The following PTPN14 variants were observed in gnomAD, a reference collection of about 807,000 sequenced individuals.
PTPN14 encodes the protein tyrosine-protein phosphatase non-receptor type 14.
In PTPN14, 53 loss-of-function variants were observed where a neutral mutation model predicts 126.8. The observed-to-expected ratio is 0.42, with a 90% confidence interval of 0.34 to 0.53. The LOEUF (loss-of-function observed/expected upper bound fraction) is 0.53. Ranked by LOEUF, PTPN14 falls within the 20% of genes least tolerant of loss-of-function variation. The pLI, the probability that PTPN14 is intolerant of heterozygous loss-of-function variation, is 0.08. For missense variants in PTPN14, 1,257 were observed against 1,552.9 expected, an observed-to-expected ratio of 0.81 and a Z score of 3.20; for synonymous variants, 630 against 599.3, an observed-to-expected ratio of 1.05 and a Z score of -0.75.
At chr1:214,530,398 G>A (rs1655515023) in intron 1 of PTPN14, 1 of 143,698 alleles carries the variant, frequency 7.0e-6, no homozygotes, top group Admixed American at 7.2e-5. Context: ...GTGTGCATCA[G>A]TGGTAGGATC....
intron 3 of PTPN14, among the ~76,000 whole-genome samples, chr1:214,420,948 C>T (rs1247721389): frequency 5.9e-5 from 9 of 152,236 alleles, no homozygotes; most frequent in Non-Finnish European, 2.9e-5. Context: ...TGAAATGAGT[C>T]TGTTTTGATC....
chr1:214,494,980 A>G (rs116475946), intron 1 of PTPN14, among the ~76,000 whole-genome samples: 183 of 152,300 alleles, frequency 1.2e-3, no homozygotes, highest in African/African-American at 4.4e-3. Flanking sequence ...TGCACAATAA[A>G]ATCACTTTGG....
intron 3 of PTPN14, among the ~76,000 whole-genome samples, chr1:214,451,365 G>A (rs1282256647): frequency 6.6e-6 from 1 of 151,898 alleles, no homozygotes; most frequent in Non-Finnish European, 1.5e-5. Context: ...ACAGGGTCTT[G>A]CTATGCTGCC....
intron 1 of PTPN14, among the ~76,000 whole-genome samples, chr1:214,483,738 T>C (rs146377506): frequency 6.6e-6 from 1 of 152,246 alleles, no homozygotes; most frequent in Non-Finnish European, 1.5e-5. Flanking sequence ...TTTCTTACTT[T>C]TTCTTTTTAG....
intron 13 of PTPN14, among the ~76,000 whole-genome samples, chr1:214,380,385 C>T (rs1387918850): frequency 2.6e-5 from 4 of 152,154 alleles, no homozygotes; most frequent in Non-Finnish European, 5.9e-5. Context: ...ATCCTTCTCA[C>T]TCACCCTATC....
intron 3 of PTPN14, among the ~76,000 whole-genome samples, chr1:214,418,259 G>A (rs181278248): frequency 5.3e-5 from 8 of 152,326 alleles, no homozygotes; most frequent in South Asian, 2.1e-4. Context: ...AGCCTCAGAC[G>A]ACCCACAGTG....
chr1:214,520,162 C>T (rs1317192881), intron 1 of PTPN14, among the ~76,000 whole-genome samples: 1 of 148,456 alleles, frequency 6.7e-6, no homozygotes, highest in Non-Finnish European at 1.5e-5. Flanking sequence ...AGAAAATGAA[C>T]AACAGCTAAG....
intron 7 of PTPN14, among the ~76,000 whole-genome samples, 195 bp downstream of exon 7, chr1:214,401,490 A>T (rs1659017081): frequency 6.6e-6 from 1 of 152,242 alleles, no homozygotes; most frequent in Admixed American, 6.5e-5. Flanking sequence ...TATTCTGCTG[A>T]GGACCATGGC....
chr1:214,387,465 C>T (rs939792110), intron 11 of PTPN14, among the ~76,000 whole-genome samples: 4 of 152,024 alleles, frequency 2.6e-5, no homozygotes, highest in Admixed American at 2.0e-4. Context: ...GAGCCATGAT[C>T]GTGCCACTGC....
chr1:214,395,588 AACACACACAC>A lies in PTPN14; in HGVS notation c.759-612_759-603del, dbSNP rs57357032. 3.8e-3 allele frequency among the ~76,000 whole-genome samples: 503 copies of A among 132,538 alleles called. 6 individuals are homozygous for A. The highest frequency in any genetic ancestry group is 0.033 in the South Asian group (122 of 3,690). 87.0% of individuals were successfully genotyped at this position (132,538 alleles called of 152,430 possible). A position where few individuals can be genotyped will look rare whatever the true frequency, so the allele number is the denominator to read the frequency against. On this transcript the variant is annotated intron_variant, in intron 8 of 18. Coordinates refer to ENST00000366956, the MANE Select transcript of PTPN14 (RefSeq NM_005401.5). ...ATGTGCCTACACTTTGGGACCCAAC[AACACACACAC>A]ACACACACACACACACACACACACA...
intron 1 of PTPN14, among the ~76,000 whole-genome samples, chr1:214,485,748 C>T (rs538651679): frequency 1.3e-5 from 2 of 151,054 alleles, no homozygotes; most frequent in South Asian, 2.1e-4. Context: ...TTTTTTGAGA[C>T]GGAGTCTCGC....
In PTPN14 at chr1:214,530,160, A is replaced by G. The variant is rs936232167; in HGVS notation, c.-155+21023T>C. On this transcript the variant is annotated intron_variant, in intron 1 of 18. Transcript: ENST00000366956. ...AAGCAGATTTCACTAGTAGGCCAAC[A>G]TTCAGGCTAGGAGGGAAGAAAAAAG... 4 of 152,220 alleles carry G rather than the reference A, an allele frequency of 2.6e-5. No homozygotes were observed. In the East Asian group the frequency reaches 5.8e-4, roughly 22 times the overall value. 9.4% of individuals were successfully genotyped at this position (152,220 alleles called of 1,614,324 possible).
At chr1:214,370,506 C>A (rs945393396) in intron 16 of PTPN14, among the ~76,000 whole-genome samples, 1 of 152,060 alleles carries the variant, frequency 6.6e-6, no homozygotes, top group Admixed American at 6.6e-5. Flanking sequence ...GGATGTTCAG[C>A]GCACAGCTCT....
rs1319239974 is a variant in PTPN14, at chr1:214,436,446, T to C, written c.344+15359A>G. On this transcript the variant is annotated intron_variant, in intron 3 of 18. Coordinates refer to ENST00000366956, the MANE Select transcript of PTPN14 (RefSeq NM_005401.5). The stretch of plus-strand genomic sequence containing the variant: ...CTTTTACCTGCCATTTGCCAACTTG[T>C]GGTGGATAAAATATTTTGAAACCAT... Among the ~76,000 whole-genome samples, 4 of 152,182 alleles carry C rather than the reference T, an allele frequency of 2.6e-5. No individual in the cohort carries two copies. The East Asian group carries it at 7.7e-4, about 29-fold the overall frequency.
rs759933226 is a variant in PTPN14 at position 214,372,783 on chromosome 1, G to T, written c.2964C>A (p.His988Gln). 1 of 1,614,070 alleles carries T rather than the reference G, an allele frequency of 6.2e-7. No individual in the cohort carries two copies. The highest frequency in any genetic ancestry group is 1.3e-5 in the African/African-American group (1 of 74,932). The change falls in exon 16 of 19, where the codon CAC (histidine) becomes CAA (glutamine). Residue 988 changes from histidine to glutamine, a missense_variant. Physicochemically the swap from His to Gln is conservative, Grantham distance 24. Around this residue, in one of 3 missense-constraint regions of PTPN14, gnomAD observed 65 missense variants for 139.7 expected, o/e 0.47. Coordinates refer to ENST00000366956, the MANE Select transcript of PTPN14 (RefSeq NM_005401.5). ...CCATCTGCCAGAAGTCGTGGCACGTGTGTGGCAGGGGCCCCTGGGTGGCTA... is the reference window on the plus strand; with the variant it reads ...CCATCTGCCAGAAGTCGTGGCACGTTTGTGGCAGGGGCCCCTGGGTGGCTA... ...HYIATQGPLP[H>Q]TCHDFWQMVW...
intron 1 of PTPN14, among the ~76,000 whole-genome samples, chr1:214,511,632 A>C (rs1438665653): frequency 6.6e-6 from 1 of 152,220 alleles, no homozygotes; most frequent in Non-Finnish European, 1.5e-5. Flanking sequence ...ACAAATTAAA[A>C]ACAGAATTCC....
chr1:214,374,350 T>C (rs1658291056), intron 15 of PTPN14, among the ~76,000 whole-genome samples: 1 of 152,226 alleles, frequency 6.6e-6, no homozygotes, highest in South Asian at 2.1e-4. Flanking sequence ...AACATTCATA[T>C]ATTTGCTGGC....
rs1312992668 is a variant in PTPN14 at position 214,534,733 on chromosome 1, A to AATAAATAAATAAATAC, written c.-155+16449_-155+16450insGTATTTATTTATTTAT. The stretch of plus-strand genomic sequence containing the variant: ...TTCTCAATAAATAAATAAATAAATA[A>AATAAATAAATAAATAC]ATAAATAAAAGACGGAATTATTGAT... On this transcript the variant is annotated intron_variant, in intron 1 of 18. Transcript: ENST00000366956. Among the ~76,000 whole-genome samples the AATAAATAAATAAATAC allele has an allele frequency of 7.5e-3, 1,134 of 151,856 alleles. 5 individuals carry two copies. Among genetic ancestry groups the AATAAATAAATAAATAC allele is most frequent in the South Asian group, 0.016 (76 of 4,794 alleles).
At chr1:214,491,616 C>T (rs868396377) in intron 1 of PTPN14, among the ~76,000 whole-genome samples, 7 of 152,116 alleles carry the variant, frequency 4.6e-5, no homozygotes, top group Admixed American at 2.0e-4. Context: ...AGAGCTCAGG[C>T]AGTACTCACC....
Sources: gnomAD v4.1 joint callset for allele counts (sites outside exome capture counted in the v4.1 genomes callset) on GRCh38, gnomAD v4.1.1 for gene constraint, gnomAD v4.1.1 regional missense constraint, MANE v1.5 for transcripts, NCBI Gene and HGNC (gene_info 2026-07-23, HGNC 2026-07-21) for gene names.